DCDC2: variants seen among roughly 807,000 people sequenced by gnomAD.
DCDC2 encodes the protein doublecortin domain containing 2.
In DCDC2, 40 loss-of-function variants were observed where a neutral mutation model predicts 50.2. The observed-to-expected ratio is 0.80, with a 90% confidence interval of 0.62 to 1.04. The LOEUF (loss-of-function observed/expected upper bound fraction) is 1.04. Among genes scored for constraint, DCDC2 ranks in the 50% least tolerant of loss-of-function variants. The pLI is 0.00. For missense variants in DCDC2, 570 were observed against 581.9 expected, an observed-to-expected ratio of 0.98 and a Z score of 0.21; for synonymous variants, 234 against 210.6, an observed-to-expected ratio of 1.11 and a Z score of -0.96.
the DCDC2 span, among the ~76,000 whole-genome samples, chr6:24,381,863 A>AGGAAGGAGAG: frequency 4.1e-5 from 2 of 48,734 alleles, no homozygotes; most frequent in Non-Finnish European, 1.0e-4. Flanking sequence ...AGGAAGGAGA[A>AGGAAGGAGAG]ATAAAAGAAA....
intron 8 of DCDC2, among the ~76,000 whole-genome samples, chr6:24,202,918 C>A (rs1320753086): frequency 1.3e-5 from 2 of 152,142 alleles, no homozygotes; most frequent in African/African-American, 4.8e-5. Flanking sequence ...CCTAGGAATA[C>A]AACTTACAAG....
rs144360081 is a variant in DCDC2 at position 24,357,297 on chromosome 6, A to G, written c.293+161T>C. ...TTCTCCAGTCACAGTGTCAACCTCT[A>G]CCCCCCAACTGCAACGAGAGTTTTG... On this transcript the variant is annotated intron_variant, in intron 1 of 9. Transcript: ENST00000378454. 1.2e-3 allele frequency: 906 copies of G among 772,048 alleles called. 3 individuals carry two copies. The highest frequency in any genetic ancestry group is 7.2e-3 in the Middle Eastern group (19 of 2,632). 47.8% of individuals were successfully genotyped at this position (772,048 alleles called of 1,614,324 possible). A position where few individuals can be genotyped will look rare whatever the true frequency, so the allele number is the denominator to read the frequency against.
intron 2 of DCDC2, among the ~76,000 whole-genome samples, chr6:24,339,479 G>A (rs1760116631): frequency 6.6e-6 from 1 of 152,116 alleles, no homozygotes; most frequent in Non-Finnish European, 1.5e-5. Flanking sequence ...AATTTGTGAT[G>A]TTAATTTTTT....
intron 7 of DCDC2, among the ~76,000 whole-genome samples, chr6:24,210,043 TG>T (rs1761827854): frequency 6.8e-6 from 1 of 146,190 alleles, no homozygotes; most frequent in Admixed American, 6.7e-5. Flanking sequence ...TGTGTGTGTG[TG>T]TGTGTGTGTG....
At chr6:24,373,427 C>T in the DCDC2 span, among the ~76,000 whole-genome samples, 6 of 152,232 alleles carry the variant, frequency 3.9e-5, no homozygotes, top group Admixed American at 1.3e-4. Flanking sequence ...CAGCATGCGT[C>T]AACATGGAAG....
intron 9 of DCDC2, among the ~76,000 whole-genome samples, chr6:24,175,752 A>G (rs1242947692): frequency 6.6e-6 from 1 of 152,216 alleles, no homozygotes; most frequent in African/African-American, 2.4e-5. Flanking sequence ...GAATTGTTAC[A>G]TGGAACAAAA....
At chr6:24,278,331 G>C in intron 6 of DCDC2, 120 bp from the exon 7 acceptor site, 1 of 817,298 alleles carries the variant, frequency 1.2e-6, no homozygotes, top group South Asian at 2.5e-5. Context: ...TATTGTCCTG[G>C]TTCTGCAACT....
At chr6:24,291,242 A>G (rs1763737682) in intron 4 of DCDC2, among the ~76,000 whole-genome samples, 164 bp from the exon 5 acceptor site, 1 of 152,238 alleles carries the variant, frequency 6.6e-6, no homozygotes, top group Admixed American at 6.5e-5. Context: ...TTATTGCATT[A>G]TAGATGCCTC....
intron 7 of DCDC2, among the ~76,000 whole-genome samples, chr6:24,252,387 G>A (rs182931686): frequency 3.3e-4 from 50 of 152,266 alleles, no homozygotes; most frequent in Admixed American, 3.2e-3. Context: ...GCCTGCTGAT[G>A]GAGCTGATTG....
At chr6:24,340,591 G>A (rs765153149) in intron 2 of DCDC2, among the ~76,000 whole-genome samples, 5 of 151,900 alleles carry the variant, frequency 3.3e-5, no homozygotes, top group Non-Finnish European at 5.9e-5. Context: ...ACTAGCTAAT[G>A]CAAAATTTGT....
At chr6:24,294,873 G>C (rs560476226) in intron 4 of DCDC2, among the ~76,000 whole-genome samples, 2 of 152,250 alleles carry the variant, frequency 1.3e-5, no homozygotes, top group African/African-American at 4.8e-5. Context: ...CAGATTCACA[G>C]TCGAATTCTA....
chr6:24,333,696 A>G (rs1760007472), intron 2 of DCDC2, among the ~76,000 whole-genome samples: 1 of 152,196 alleles, frequency 6.6e-6, no homozygotes. Flanking sequence ...GATGAGTTTT[A>G]AACTCAATGG....
intron 2 of DCDC2, among the ~76,000 whole-genome samples, chr6:24,325,343 T>C (rs1037570925): frequency 6.7e-6 from 1 of 149,728 alleles, no homozygotes; most frequent in African/African-American, 2.4e-5. Flanking sequence ...ATGTAAGTTA[T>C]TGTGCCATCT....
intron 7 of DCDC2, among the ~76,000 whole-genome samples, chr6:24,219,221 AT>A (rs1282883817): frequency 6.6e-6 from 1 of 152,158 alleles, no homozygotes; most frequent in Non-Finnish European, 1.5e-5. Flanking sequence ...GTCAAGAAAC[AT>A]TTTTTTATTC....
chr6:24,333,998 G>A (rs978564322), intron 2 of DCDC2, among the ~76,000 whole-genome samples: 1 of 152,190 alleles, frequency 6.6e-6, no homozygotes, highest in Admixed American at 6.5e-5. Context: ...AAGGAACATA[G>A]GAGGAAAGTC....
intron 7 of DCDC2, 124 bp downstream of exon 7, chr6:24,277,924 AC>A: frequency 1.3e-6 from 1 of 788,724 alleles, no homozygotes; most frequent in Non-Finnish European, 1.9e-6. Flanking sequence ...ATATACAAAT[AC>A]AATTTTCTTT....
the DCDC2 span, among the ~76,000 whole-genome samples, chr6:24,380,953 T>G: frequency 1.3e-5 from 2 of 151,910 alleles, no homozygotes; most frequent in Non-Finnish European, 2.9e-5. Context: ...TGTGGTGGTG[T>G]GGGCCTATAG....
At chr6:24,305,918 A>G (rs1455405297) in intron 2 of DCDC2, among the ~76,000 whole-genome samples, 3 of 152,044 alleles carry the variant, frequency 2.0e-5, no homozygotes, top group African/African-American at 7.2e-5. Flanking sequence ...AATTCCAACT[A>G]CTTGGAAGCT....
chr6:24,217,129 CA>C, intron 7 of DCDC2, among the ~76,000 whole-genome samples: 1 of 151,736 alleles, frequency 6.6e-6, no homozygotes, highest in East Asian at 1.9e-4. Context: ...AAAATTCATA[CA>C]AAGAATCTTA....
Sources: allele counts gnomAD v4.1 joint callset (sites outside exome capture counted in the v4.1 genomes callset), GRCh38; gene constraint gnomAD v4.1.1; transcripts MANE v1.5; gene names NCBI Gene and HGNC (gene_info 2026-07-23, HGNC 2026-07-21).